The following RNF217 variants were observed in gnomAD, a reference collection of about 807,000 sequenced individuals.
RNF217 encodes ring finger protein 217.
RNF217 carries 31 observed loss-of-function variants against 57.8 expected under a neutral mutation model. The observed-to-expected ratio is 0.54, with a 90% confidence interval of 0.40 to 0.72. The LOEUF (loss-of-function observed/expected upper bound fraction) is 0.72. Among genes scored for constraint, RNF217 ranks in the 30% least tolerant of loss-of-function variants. The pLI is 0.00. For synonymous variants in RNF217, 313 were observed against 294.0 expected, an observed-to-expected ratio of 1.06 and a Z score of -0.66; for missense variants, 696 against 708.3, an observed-to-expected ratio of 0.98 and a Z score of 0.20.
intron 2 of RNF217, among the ~76,000 whole-genome samples, chr6:125,051,501 T>C (rs1435045960): frequency 3.3e-5 from 5 of 152,034 alleles, no homozygotes; most frequent in South Asian, 2.1e-4. Flanking sequence ...GAGAATCTAC[T>C]GGGGCTGTCT....
intron 2 of RNF217, among the ~76,000 whole-genome samples, chr6:125,050,816 T>G (rs919052000): frequency 4.1e-4 from 62 of 151,620 alleles, no homozygotes; most frequent in Non-Finnish European, 8.3e-4. Context: ...CACACTGATT[T>G]CTCTTGGGAT....
intron 3 of RNF217, among the ~76,000 whole-genome samples, chr6:125,069,146 C>T (rs1032807759): frequency 1.3e-5 from 2 of 152,116 alleles, no homozygotes; most frequent in African/African-American, 2.4e-5. Flanking sequence ...AATCATAAGA[C>T]TTAACTTGAA....
chr6:124,991,570 C>T (rs1435645271), intron 1 of RNF217, among the ~76,000 whole-genome samples: 2 of 152,064 alleles, frequency 1.3e-5, no homozygotes, highest in African/African-American at 4.8e-5. Context: ...AGGCTGTAGG[C>T]CATGAGGATA....
chr6:125,046,642 T>C (rs1334650205), intron 2 of RNF217: 1 of 455,898 alleles, frequency 2.2e-6, no homozygotes, highest in Non-Finnish European at 4.4e-6. Context: ...AAAGGCTGTT[T>C]GGAGTCATCT....
chr6:125,034,173 T>TTGCTG (rs1468826960), intron 1 of RNF217, among the ~76,000 whole-genome samples: 3 of 152,234 alleles, frequency 2.0e-5, no homozygotes, highest in Admixed American at 6.5e-5. Context: ...GTAGTTTCTT[T>TTGCTG]TGCTGTGCAG....
intron 1 of RNF217, among the ~76,000 whole-genome samples, chr6:125,015,655 C>T (rs896257645): frequency 6.6e-6 from 1 of 151,828 alleles, no homozygotes; most frequent in African/African-American, 2.4e-5. Context: ...ATTGGTATTG[C>T]TACATCCAGT....
intron 1 of RNF217, among the ~76,000 whole-genome samples, chr6:124,974,266 C>A (rs1783873469): frequency 6.6e-6 from 1 of 152,158 alleles, no homozygotes; most frequent in Admixed American, 6.6e-5. Context: ...AGAGAAAAAT[C>A]AAGAATGTGG....
Position 125,058,192 on chromosome 6 carries a change from C to T in RNF217, c.1281+86C>T, listed in dbSNP as rs550916102. 146 of 1,186,840 alleles carry T rather than the reference C, an allele frequency of 1.2e-4. No individual in the cohort carries two copies. In the South Asian group the frequency reaches 3.0e-3, roughly 24 times the overall value. 73.5% of individuals were successfully genotyped at this position (1,186,840 alleles called of 1,614,324 possible). A position where few individuals can be genotyped will look rare whatever the true frequency, so the allele number is the denominator to read the frequency against. On this transcript the variant is annotated intron_variant, in intron 3 of 5. Transcript: ENST00000521654. ...TTTACATTATTGAAGGGAATTATAACTGTCTTAATGCAGGTATGTGGAAAA... is the reference window on the plus strand; with the variant it reads ...TTTACATTATTGAAGGGAATTATAATTGTCTTAATGCAGGTATGTGGAAAA...
At chr6:125,067,223 G>A (rs978964696) in intron 3 of RNF217, among the ~76,000 whole-genome samples, 1 of 152,314 alleles carries the variant, frequency 6.6e-6, no homozygotes, top group African/African-American at 2.4e-5. Flanking sequence ...GCAAGGAAGT[G>A]GTGAGAGGTG....
rs1266254920 is a variant in RNF217, at chr6:125,091,258, T to C, written c.*8321T>C. On this transcript the variant is annotated 3_prime_UTR_variant, in exon 6 of 6. Coordinates refer to ENST00000521654, the MANE Select transcript of RNF217 (RefSeq NM_001286398.3). ...CTCATTTTCCAATAGCACTAATGTA[T>C]AATCCCTTTAACCTTCCATATGGTG... The C allele has an allele frequency of 6.6e-6, 1 of 152,110 alleles. No homozygotes were observed. Among genetic ancestry groups the C allele is most frequent in the Non-Finnish European group, 1.5e-5 (1 of 67,940 alleles). 9.4% of individuals were successfully genotyped at this position (152,110 alleles called of 1,614,324 possible).
chr6:125,060,513 C>T (rs1014319250), intron 3 of RNF217, among the ~76,000 whole-genome samples: 39 of 152,220 alleles, frequency 2.6e-4, no homozygotes, highest in African/African-American at 8.2e-4. Flanking sequence ...GGCACGATCT[C>T]GGCTCACTGC....
chr6:125,020,498 G>A (rs1785795440), intron 1 of RNF217, among the ~76,000 whole-genome samples: 1 of 152,032 alleles, frequency 6.6e-6, no homozygotes, highest in Admixed American at 6.6e-5. Context: ...CTGGAGCCTA[G>A]TCATCCAGAT....
At chr6:125,052,319 T>TGTGTGG (rs1787353977) in intron 2 of RNF217, among the ~76,000 whole-genome samples, 1 of 147,286 alleles carries the variant, frequency 6.8e-6, no homozygotes, top group African/African-American at 2.7e-5. Flanking sequence ...TGTGTGTGTG[T>TGTGTGG]GGTTTTATTT....
intron 1 of RNF217, among the ~76,000 whole-genome samples, chr6:124,992,805 T>G (rs1444184165): frequency 6.6e-6 from 1 of 152,180 alleles, no homozygotes; most frequent in Non-Finnish European, 1.5e-5. Context: ...AAATTACTAG[T>G]TAGTAAATGT....
chr6:125,069,633 A>G (rs1242165627), intron 3 of RNF217, among the ~76,000 whole-genome samples: 2 of 152,130 alleles, frequency 1.3e-5, no homozygotes, highest in Non-Finnish European at 2.9e-5. Flanking sequence ...CATCTTTTTC[A>G]TGAACTATTT....
intron 1 of RNF217, among the ~76,000 whole-genome samples, chr6:124,973,882 C>T (rs1311033737): frequency 3.3e-5 from 5 of 152,186 alleles, no homozygotes; most frequent in East Asian, 3.8e-4. Flanking sequence ...GGGAAGGCCT[C>T]AGCCAGTCAG....
chr6:125,058,229 C>A, intron 3 of RNF217, 123 bp downstream of exon 3: 1 of 809,560 alleles, frequency 1.2e-6, no homozygotes, highest in Non-Finnish European at 1.7e-6. Flanking sequence ...GAGTATTGCT[C>A]TTTTATTTTG....
chr6:125,078,165 A>G (rs1788448290), intron 4 of RNF217, among the ~76,000 whole-genome samples: 1 of 152,182 alleles, frequency 6.6e-6, no homozygotes, highest in African/African-American at 2.4e-5. Context: ...TTATAATTAT[A>G]TAACCAATAT....
At chr6:125,045,165 T>A in intron 1 of RNF217, 46 bp from the exon 2 acceptor site, 1 of 1,235,598 alleles carries the variant, frequency 8.1e-7, no homozygotes, top group Non-Finnish European at 1.2e-6. Context: ...TGAAAGAAAA[T>A]AACCAGTGAC....
Sources: gnomAD v4.1 joint callset for allele counts (sites outside exome capture counted in the v4.1 genomes callset) on GRCh38, gnomAD v4.1.1 for gene constraint, MANE v1.5 for transcripts, NCBI Gene and HGNC (gene_info 2026-07-23, HGNC 2026-07-21) for gene names.